VPS26C: variants seen among roughly 807,000 people sequenced by gnomAD.
The protein encoded by VPS26C is vacuolar protein sorting-associated protein 26C.
In VPS26C, 19 loss-of-function variants were observed where a neutral mutation model predicts 30.6. The observed-to-expected ratio is 0.62, with a 90% confidence interval of 0.43 to 0.91. The LOEUF is 0.91. Among genes scored for constraint, VPS26C ranks in the 40% least tolerant of loss-of-function variants. The pLI, the probability that VPS26C is intolerant of heterozygous loss-of-function variation, is 0.00. For synonymous variants in VPS26C, 132 were observed against 151.5 expected (o/e 0.87, Z 0.95); for missense variants, 318 against 385.1 (o/e 0.83, Z 1.46).
intron 1 of VPS26C, among the ~76,000 whole-genome samples, chr21:37,263,938 A>C (rs755619859): frequency 6.6e-6 from 1 of 152,188 alleles, no homozygotes; most frequent in Non-Finnish European, 1.5e-5. Context: ...ACCACAGCGC[A>C]AACTAGATGT....
intron 1 of VPS26C, chr21:37,266,952 G>T: frequency 2.6e-6 from 1 of 380,908 alleles, no homozygotes; most frequent in Non-Finnish European, 4.3e-6. Context: ...TGTTCAAGGG[G>T]CCAGATGGGA....
intron 1 of VPS26C, among the ~76,000 whole-genome samples, chr21:37,245,867 G>A (rs2148296869): frequency 6.6e-6 from 1 of 152,034 alleles, no homozygotes; most frequent in African/African-American, 2.4e-5. Flanking sequence ...TGAGGCAAAA[G>A]GAAGAGATAA....
chr21:37,228,557 T>A (rs527459688), intron 5 of VPS26C, 184 bp from the exon 6 acceptor site: 10 of 604,522 alleles, frequency 1.7e-5, no homozygotes, highest in African/African-American at 1.3e-4. Flanking sequence ...GGCTGAATTA[T>A]TCAACGACTC....
rs149471962 is a variant in VPS26C at position 37,243,510 on chromosome 21, C to G, written c.58-2871G>C. On this transcript the variant is annotated intron_variant, in intron 1 of 7. Coordinates refer to ENST00000309117, the MANE Select transcript of VPS26C (RefSeq NM_006052.2). ...GAGAAGCCAGCACAGACACTGGGAC[C>G]CACTCGCGTCACCAAGAGCCAACCC... 6.1e-4 allele frequency among the ~76,000 whole-genome samples: 93 copies of G among 152,230 alleles called. No homozygotes were observed. The East Asian group carries it at 0.018, about 29-fold the overall frequency.
chr21:37,235,851 G>GTA (rs146084592), intron 3 of VPS26C, among the ~76,000 whole-genome samples: 1,265 of 55,022 alleles, frequency 0.023, 7 homozygotes, highest in Non-Finnish European at 0.032. Flanking sequence ...ATATGTGTGT[G>GTA]TATATATATA....
rs775626471 is a variant in VPS26C, at chr21:37,257,503, G to A, written c.57+9735C>T. Among the ~76,000 whole-genome samples the A allele has an allele frequency of 6.6e-6, 1 of 152,248 alleles. No individual in the cohort carries two copies. The highest frequency in any genetic ancestry group is 1.9e-4 in the East Asian group (1 of 5,200). ...AGCTTAAACCTAGAAAAGTAACTGG[G>A]TTGGGGTGGGGGTGTAGCCACATGC... On this transcript the variant is annotated intron_variant, in intron 1 of 7. Transcript: ENST00000309117. This position sits in a 1 kb window ranked among gnomAD's most constrained non-coding sequence, Gnocchi z 4.2.
intron 1 of VPS26C, among the ~76,000 whole-genome samples, chr21:37,249,140 TATC>T (rs1298235674): frequency 2.0e-5 from 3 of 152,186 alleles, no homozygotes; most frequent in Non-Finnish European, 2.9e-5. Context: ...GAAAACAAGA[TATC>T]ATCCATTTAA....
chr21:37,249,683 A>G (rs2086171764), intron 1 of VPS26C, among the ~76,000 whole-genome samples: 1 of 152,148 alleles, frequency 6.6e-6, no homozygotes, highest in Non-Finnish European at 1.5e-5. Flanking sequence ...TAACACCACA[A>G]TTGTTTTTCT....
chr21:37,247,941 C>A (rs983717204), intron 1 of VPS26C, among the ~76,000 whole-genome samples: 3 of 152,076 alleles, frequency 2.0e-5, no homozygotes, highest in Admixed American at 2.0e-4. Flanking sequence ...GAGGCCGAGG[C>A]AGGAGGATTG....
chr21:37,240,276 C>A (rs895263782), intron 2 of VPS26C, among the ~76,000 whole-genome samples: 10 of 152,076 alleles, frequency 6.6e-5, no homozygotes, highest in African/African-American at 2.4e-4. Flanking sequence ...GCACGCACCA[C>A]CACACCCGGC....
intron 1 of VPS26C, among the ~76,000 whole-genome samples, chr21:37,250,277 C>T (rs1021134426): frequency 2.2e-4 from 34 of 151,280 alleles, no homozygotes; most frequent in African/African-American, 8.3e-4. Flanking sequence ...TGCACTCCTG[C>T]CTGGGTGATA....
At chr21:37,235,829 ATATATGTGTG>A (rs980570911) in intron 3 of VPS26C, among the ~76,000 whole-genome samples, 14 of 141,940 alleles carry the variant, frequency 9.9e-5, no homozygotes, top group African/African-American at 2.9e-4. Flanking sequence ...ACATATACAT[ATATATGTGTG>A]TATATGTGTG....
intron 1 of VPS26C, among the ~76,000 whole-genome samples, chr21:37,262,698 G>A (rs1468259311): frequency 1.3e-5 from 2 of 152,150 alleles, no homozygotes; most frequent in Admixed American, 1.3e-4. Flanking sequence ...ATACGTCCAA[G>A]GGCAGAACAG....
chr21:37,262,710 G>A (rs2086317378), intron 1 of VPS26C, among the ~76,000 whole-genome samples: 1 of 152,160 alleles, frequency 6.6e-6, no homozygotes, highest in Non-Finnish European at 1.5e-5. Context: ...GCAGAACAGG[G>A]AGTCAGGAAG....
intron 3 of VPS26C, chr21:37,237,490 A>AC (rs1323733056): frequency 1.3e-5 from 2 of 152,266 alleles, no homozygotes; most frequent in African/African-American, 4.8e-5. Flanking sequence ...CTGCATGGCT[A>AC]CGTACGCAGC....
intron 1 of VPS26C, among the ~76,000 whole-genome samples, chr21:37,251,793 G>A (rs181517877): frequency 5.8e-4 from 88 of 152,326 alleles, no homozygotes; most frequent in African/African-American, 2.0e-3. Flanking sequence ...CTTAAATTTT[G>A]ATAACCTATA....
In VPS26C at chr21:37,227,716, A is replaced by G; in HGVS notation, c.749T>C (p.Ile250Thr). 6.2e-7 allele frequency: 1 copy of G among 1,614,172 alleles called. No individual in the cohort carries two copies. Among genetic ancestry groups the G allele is most frequent in the Non-Finnish European group, 8.5e-7 (1 of 1,180,024 alleles). The change falls in exon 7 of 8, where the codon ATC (isoleucine) becomes ACC (threonine). Residue 250 changes from isoleucine (I) to threonine (T), a missense_variant. Physicochemically the swap from Ile to Thr is moderately conservative, Grantham distance 89. Transcript: ENST00000309117. ...GAACAGCCTAGGGAAGACCATGTAG[A>G]TGGGGACAGAGAGGCCCCTGCACAC... The part of the protein sequence containing the change: ...GDVCRGLSVP[I>T]YMVFPRLFTC...
At chr21:37,267,093 G>A (rs1203044942) in intron 1 of VPS26C, 145 bp downstream of exon 1, 5 of 785,282 alleles carry the variant, frequency 6.4e-6, no homozygotes, top group African/African-American at 3.4e-5. Context: ...CACCTGGCGG[G>A]AACGCACCCA....
chr21:37,238,193 G>A (rs1361739801), intron 3 of VPS26C: 1 of 428,564 alleles, frequency 2.3e-6, no homozygotes, highest in Non-Finnish European at 4.2e-6. Flanking sequence ...CCCTTACAAT[G>A]TGAGGTGGCC....
Sources: gnomAD v4.1 joint callset for allele counts (sites outside exome capture counted in the v4.1 genomes callset) on GRCh38, gnomAD v4.1.1 for gene constraint, Gnocchi (gnomAD v3.1) non-coding constraint, MANE v1.5 for transcripts, NCBI Gene and HGNC (gene_info 2026-07-23, HGNC 2026-07-21) for gene names.